AUTS2: variants seen among roughly 807,000 people sequenced by gnomAD.
AUTS2 encodes activator of transcription and developmental regulator AUTS2.
In AUTS2, 17 loss-of-function variants were observed where a neutral mutation model predicts 112.4. That is an observed-to-expected ratio of 0.15 (90% CI 0.10 to 0.23). AUTS2 has a LOEUF of 0.23. Among genes scored for constraint, AUTS2 ranks in the 10% least tolerant of loss-of-function variants. The probability of loss-of-function intolerance (pLI) is 1.00; values close to 1 mark genes in which losing one functional copy is unlikely to be tolerated. For synonymous variants in AUTS2, 751 were observed against 702.7 expected (o/e 1.07, Z -1.09); for missense variants, 1,510 against 1,701.6 (o/e 0.89, Z 1.98).
intron 2 of AUTS2, among the ~76,000 whole-genome samples, chr7:69,948,119 G>A (rs1796887472): frequency 6.6e-6 from 1 of 152,174 alleles, no homozygotes; most frequent in South Asian, 2.1e-4. Context: ...TACATTATGA[G>A]TGGCATCTTT....
intron 2 of AUTS2, among the ~76,000 whole-genome samples, chr7:70,011,361 T>TCTCCTCTCCC (rs1440598437): frequency 1.5e-5 from 2 of 132,916 alleles, no homozygotes; most frequent in African/African-American, 5.8e-5. Context: ...TCTCCTCTCC[T>TCTCCTCTCCC]CTCCCTCATT....
intron 1 of AUTS2, among the ~76,000 whole-genome samples, chr7:69,767,717 C>T (rs889341296): frequency 7.2e-5 from 11 of 152,204 alleles, no homozygotes; most frequent in African/African-American, 2.4e-4. Context: ...TGATCATTTG[C>T]GGATTCCAGC....
At chr7:70,683,088 A>T (rs1423373172) in intron 5 of AUTS2, among the ~76,000 whole-genome samples, 1 of 152,256 alleles carries the variant, frequency 6.6e-6, no homozygotes, top group East Asian at 1.9e-4. Context: ...CATGACATGC[A>T]CATACAGAAT....
chr7:70,131,592 G>A (rs1806273169), intron 3 of AUTS2, among the ~76,000 whole-genome samples: 1 of 152,078 alleles, frequency 6.6e-6, no homozygotes, highest in Non-Finnish European at 1.5e-5. Flanking sequence ...CAATATTACT[G>A]CTGTTTCTAA....
rs888052547 is a variant in AUTS2, at chr7:70,790,216, C to T, written c.3000C>T (p.His1000=). ...HDLPPEAPQT[H]RASEPPPPNS... Reference sequence around the variant, plus strand: ...TGCCTCCAGAGGCCCCGCAGACCCACCGGGCCTCGGAGCCGCCGCCTCCCA... The same window carrying T: ...TGCCTCCAGAGGCCCCGCAGACCCATCGGGCCTCGGAGCCGCCGCCTCCCA... Residue 1000 remains histidine (H), a synonymous_variant, in exon 19 of 19, where the codon CAC becomes CAT. Transcript: ENST00000342771. This position sits in a 1 kb window ranked among gnomAD's most constrained non-coding sequence, Gnocchi z 7.6. 14 of 1,612,480 alleles carry T rather than the reference C, an allele frequency of 8.7e-6. No individual in the cohort carries two copies. The Admixed American group carries it at 1.8e-4, about 21-fold the overall frequency.
chr7:69,984,324 G>A (rs894231256), intron 2 of AUTS2, among the ~76,000 whole-genome samples: 1 of 149,892 alleles, frequency 6.7e-6, no homozygotes, highest in Non-Finnish European at 1.5e-5. Context: ...GGAGAATGGC[G>A]TGAACTCAGG....
chr7:70,510,599 G>A (rs942624237), intron 5 of AUTS2, among the ~76,000 whole-genome samples: 2 of 152,196 alleles, frequency 1.3e-5, no homozygotes, highest in African/African-American at 4.8e-5. Context: ...CAAATACATG[G>A]TGGGGTTTGC....
intron 16 of AUTS2, 148 bp from the exon 17 acceptor site, chr7:70,785,806 CT>C: frequency 1.5e-6 from 1 of 667,664 alleles, no homozygotes; most frequent in East Asian, 2.8e-5. Context: ...TAATGAAAAC[CT>C]TTTACACCAT....
chr7:70,643,955 G>A (rs182413533), intron 5 of AUTS2, among the ~76,000 whole-genome samples: 130 of 151,836 alleles, frequency 8.6e-4, no homozygotes, highest in Non-Finnish European at 1.6e-3. Context: ...GTCCTGGCTC[G>A]CCCCACCTAC....
intron 1 of AUTS2, among the ~76,000 whole-genome samples, chr7:69,638,103 C>T (rs561132459): frequency 1.3e-4 from 20 of 152,352 alleles, no homozygotes; most frequent in Non-Finnish European, 2.5e-4. Context: ...ACTGCAGCTT[C>T]GAACTCTTAG....
intron 2 of AUTS2, among the ~76,000 whole-genome samples, chr7:69,938,858 C>T (rs1207173417): frequency 6.6e-6 from 1 of 152,078 alleles, no homozygotes; most frequent in Non-Finnish European, 1.5e-5. Flanking sequence ...GGGACTGCTA[C>T]GATAAGCCAG....
At chr7:70,203,145 G>A (rs1365961308) in intron 4 of AUTS2, among the ~76,000 whole-genome samples, 1 of 133,578 alleles carries the variant, frequency 7.5e-6, no homozygotes, top group Non-Finnish European at 1.6e-5. Flanking sequence ...ATTGAACAAT[G>A]AGATCACATG....
At chr7:70,244,026 T>G (rs936927945) in intron 4 of AUTS2, among the ~76,000 whole-genome samples, 1 of 152,122 alleles carries the variant, frequency 6.6e-6, no homozygotes, top group Admixed American at 6.6e-5. Flanking sequence ...TTACTGTTAC[T>G]GTCAAGGTAA....
intron 2 of AUTS2, among the ~76,000 whole-genome samples, chr7:69,940,763 G>A (rs1486557007): frequency 6.6e-6 from 1 of 152,186 alleles, no homozygotes; most frequent in Non-Finnish European, 1.5e-5. Context: ...AGGTGAAGGA[G>A]GATGGCAGCC....
intron 2 of AUTS2, among the ~76,000 whole-genome samples, chr7:69,952,738 A>T (rs1031507354): frequency 6.6e-6 from 1 of 152,180 alleles, no homozygotes; most frequent in East Asian, 1.9e-4. Flanking sequence ...CCTGCCTTTC[A>T]TATCTATTCA....
intron 5 of AUTS2, among the ~76,000 whole-genome samples, chr7:70,466,162 C>T (rs1797159452): frequency 6.6e-6 from 1 of 152,130 alleles, no homozygotes; most frequent in Admixed American, 6.6e-5. Flanking sequence ...AAGGGACACC[C>T]ACCCAAACAA....
intron 4 of AUTS2, among the ~76,000 whole-genome samples, chr7:70,317,388 G>A (rs1790046244): frequency 6.6e-6 from 1 of 152,142 alleles, no homozygotes; most frequent in Admixed American, 6.6e-5. Context: ...CAATATTACA[G>A]GAATATTGTG....
chr7:69,686,622 A>T lies in AUTS2; in HGVS notation c.309+86660A>T, dbSNP rs572480721. Among the ~76,000 whole-genome samples the T allele has an allele frequency of 4.6e-5, 7 of 152,360 alleles. No individual in the cohort carries two copies. The South Asian group carries it at 1.4e-3, about 32-fold the overall frequency. On this transcript the variant is annotated intron_variant, in intron 1 of 18. Transcript: ENST00000342771. ...AATACTATAGAAAAGTAATATTACA[A>T]AATTGTCTTGACATAAGTAATTTGG...
intron 4 of AUTS2, among the ~76,000 whole-genome samples, chr7:70,241,202 TAC>T (rs1337281196): frequency 1.3e-5 from 2 of 152,214 alleles, no homozygotes; most frequent in Admixed American, 1.3e-4. Flanking sequence ...TTCCCTGTGG[TAC>T]ACATTTGTCA....
Sources: gnomAD v4.1 joint callset for allele counts (sites outside exome capture counted in the v4.1 genomes callset) on GRCh38, gnomAD v4.1.1 for gene constraint, Gnocchi (gnomAD v3.1) non-coding constraint, MANE v1.5 for transcripts, NCBI Gene and HGNC (gene_info 2026-07-23, HGNC 2026-07-21) for gene names.